Variants in YARS1 observed in about 807,000 individuals in gnomAD.
YARS1 encodes tyrosine--tRNA ligase, cytoplasmic.
YARS1 carries 36 observed loss-of-function variants against 62.2 expected under a neutral mutation model. The observed-to-expected ratio is 0.58, with a 90% CI of 0.44 to 0.76. The LOEUF (loss-of-function observed/expected upper bound fraction) is 0.76. YARS1 is among the 30% of genes least tolerant of loss of function. YARS1 has a pLI of 0.00. For synonymous variants in YARS1, 234 were observed against 244.9 expected (o/e 0.96, Z 0.42); for missense variants, 524 against 639.8 (o/e 0.82, Z 1.95).
At chr1:32,802,930 A>G (rs527818629) in intron 4 of YARS1, among the ~76,000 whole-genome samples, 1 of 150,914 alleles carries the variant, frequency 6.6e-6, no homozygotes, top group African/African-American at 2.4e-5. Context: ...CTCCTGCCTC[A>G]GCCTTCCGAG....
In YARS1 at chr1:32,817,315, C is replaced by G; in HGVS notation, c.-71G>C. ...CCTTCCTGGGTCACCGTCGCCGCCG[C>G]GTGCCGGGAACTGTCACGCGAGTCC... On this transcript the variant is annotated 5_prime_UTR_variant, in exon 1 of 13. Transcript: ENST00000373477. 1.3e-6 allele frequency: 2 copies of G among 1,593,200 alleles called. No individual in the cohort carries two copies. The highest frequency in any genetic ancestry group is 1.7e-6 in the Non-Finnish European group (2 of 1,165,510).
intron 4 of YARS1, among the ~76,000 whole-genome samples, chr1:32,803,913 G>A (rs1282610781): frequency 6.6e-6 from 1 of 152,064 alleles, no homozygotes; most frequent in Non-Finnish European, 1.5e-5. Context: ...GTGTCCCTGG[G>A]TACTTGAGAT....
intron 4 of YARS1, among the ~76,000 whole-genome samples, chr1:32,802,752 T>C (rs58957786): frequency 0.043 from 6,548 of 152,202 alleles, 167 homozygotes; most frequent in Middle Eastern, 0.071. Context: ...ATCATACTGT[T>C]AACAGACGTG....
chr1:32,811,568 T>A (rs1638587130), intron 1 of YARS1: 1 of 178,888 alleles, frequency 5.6e-6, no homozygotes, highest in East Asian at 1.4e-4. Flanking sequence ...CTAACTTTTT[T>A]GCCTGTTTTA....
intron 11 of YARS1, 65 bp downstream of exon 11, chr1:32,780,020 T>A: frequency 6.3e-7 from 1 of 1,592,380 alleles, no homozygotes; most frequent in Non-Finnish European, 8.6e-7. Flanking sequence ...GGACATCATA[T>A]GGGCTGATTC....
chr1:32,778,259 G>C (rs1652933946), intron 12 of YARS1, among the ~76,000 whole-genome samples: 1 of 152,202 alleles, frequency 6.6e-6, no homozygotes, highest in Non-Finnish European at 1.5e-5. Flanking sequence ...ATCGGTATTT[G>C]TTAAATGAAT....
chr1:32,810,509 G>A, intron 3 of YARS1, 82 bp downstream of exon 3: 2 of 1,568,792 alleles, frequency 1.3e-6, no homozygotes. Context: ...TAATCTAAAT[G>A]TAAAGAATGC....
Position 32,779,418 on chromosome 1 carries a change from C to T in YARS1, c.1440G>A (p.Glu480=). The T allele has an allele frequency of 6.2e-7, 1 of 1,614,206 alleles. No homozygotes were observed. The highest frequency in any genetic ancestry group is 2.2e-5 in the East Asian group (1 of 44,890). The change falls in exon 12 of 13, where the codon GAG becomes GAA. Residue 480 remains glutamate (E), a synonymous_variant. Coordinates refer to ENST00000373477, the MANE Select transcript of YARS1 (RefSeq NM_003680.4). ...KGYEKGQPDE[E]LKPKKKVFEK... ...CGAAGACTTTCTTCTTGGGCTTGAG[C>T]TCCTCATCTGGTTGGCCCTTTTCAT...
At chr1:32,815,479 GC>G (rs1231481874) in intron 1 of YARS1, among the ~76,000 whole-genome samples, 1 of 152,110 alleles carries the variant, frequency 6.6e-6, no homozygotes, top group African/African-American at 2.4e-5. Flanking sequence ...GGGGAAGCGT[GC>G]AAAAACCTTT....
Position 32,817,193 on chromosome 1 carries a change from G to A in YARS1, c.52C>T (p.Leu18=), listed in dbSNP as rs147538442. The A allele has an allele frequency of 4.1e-4, 656 of 1,614,214 alleles. 5 individuals carry two copies. In the African/African-American group the frequency reaches 7.0e-3, roughly 17 times the overall value. The part of the protein sequence containing the change: ...EEKLHLITRN[L]QEVLGEEKLK... ...TTCCAACCCCCAGGCCTGACCTGCA[G>A]GTTCCGGGTGATAAGGTGCAGTTTC... The change falls in exon 1 of 13, where the codon CTG becomes TTG. Residue 18 remains leucine (L), a synonymous_variant. Coordinates refer to ENST00000373477, the MANE Select transcript of YARS1 (RefSeq NM_003680.4).
chr1:32,790,965 A>C, intron 6 of YARS1, 197 bp downstream of exon 6: 1 of 592,696 alleles, frequency 1.7e-6, no homozygotes, highest in Non-Finnish European at 3.0e-6. Flanking sequence ...AAAAACCATT[A>C]AGTTATGATT....
In YARS1 at chr1:32,817,221, T is replaced by C. The variant is rs1199506505; in HGVS notation, c.24A>G (p.Glu8=). The C allele has an allele frequency of 1.9e-6, 3 of 1,614,148 alleles. No homozygotes were observed. The South Asian group carries it at 3.3e-5, about 18-fold the overall frequency. ...TCCGGGTGATAAGGTGCAGTTTCTCTTCAGGGCTGGGAGCGTCCCCCATGG... is the reference window on the plus strand; with the variant it reads ...TCCGGGTGATAAGGTGCAGTTTCTCCTCAGGGCTGGGAGCGTCCCCCATGG... The part of the protein sequence containing the change: MGDAPSP[E]EKLHLITRNL... Residue 8 remains glutamate, a synonymous_variant, in exon 1 of 13, where the codon GAA becomes GAG. Transcript: ENST00000373477.
chr1:32,807,210 T>C (rs185626611), intron 3 of YARS1, among the ~76,000 whole-genome samples: 108 of 152,304 alleles, frequency 7.1e-4, no homozygotes, highest in African/African-American at 2.5e-3. Context: ...AACACTATGG[T>C]AACATTTAGA....
At chr1:32,796,364 C>G (rs1480815900) in intron 5 of YARS1, among the ~76,000 whole-genome samples, 1 of 145,892 alleles carries the variant, frequency 6.9e-6, no homozygotes, top group African/African-American at 2.6e-5. Flanking sequence ...TTATTTTTTT[C>G]TTTTTTGTTT....
At chr1:32,807,569 CACCTCA>C (rs1039605080) in intron 3 of YARS1, among the ~76,000 whole-genome samples, 9 of 151,980 alleles carry the variant, frequency 5.9e-5, no homozygotes, top group Non-Finnish European at 2.9e-5. Flanking sequence ...GTGATCCTCC[CACCTCA>C]ACCTCCAAAG....
At chr1:32,784,914 T>C (rs1387649180) in intron 8 of YARS1, among the ~76,000 whole-genome samples, 1 of 152,110 alleles carries the variant, frequency 6.6e-6, no homozygotes, top group African/African-American at 2.4e-5. Context: ...TTTGTTCAAG[T>C]GTCTGTTGAA....
At chr1:32,811,201 G>T in intron 1 of YARS1, 144 bp from the exon 2 acceptor site, 3 of 1,196,912 alleles carry the variant, frequency 2.5e-6, no homozygotes, top group East Asian at 2.3e-5. Context: ...TCTCAGTGCA[G>T]ATGTGATACC....
Position 32,806,543 on chromosome 1 carries a change from G to C in YARS1, c.449C>G (p.Ala150Gly). The C allele has an allele frequency of 6.2e-7, 1 of 1,614,146 alleles. No homozygotes were observed. Residue 150 changes from alanine (A) to glycine (G), a missense_variant, in exon 4 of 13, where the codon GCT (alanine) becomes GGT (glycine). Physicochemically the swap from Ala to Gly is moderately conservative, Grantham distance 60 (BLOSUM62 0). Transcript: ENST00000373477. Reference sequence around the variant, plus strand: ...GTGCTCCACCTGCTTTACCACCTCAGCTCCAGCCTTCTTGGAATCGTGCTG... The same window carrying C: ...GTGCTCCACCTGCTTTACCACCTCACCTCCAGCCTTCTTGGAATCGTGCTG... Reference protein sequence around the residue: ...VTQHDSKKAGAEVVKQVEHPL... With the variant: ...VTQHDSKKAGGEVVKQVEHPL...
chr1:32,802,132 A>G (rs1219399047), intron 4 of YARS1, among the ~76,000 whole-genome samples: 1 of 151,668 alleles, frequency 6.6e-6, no homozygotes, highest in Non-Finnish European at 1.5e-5. Context: ...TATTTTTAGT[A>G]GAGACGGGGT....
Sources: allele counts gnomAD v4.1 joint callset (sites outside exome capture counted in the v4.1 genomes callset), GRCh38; gene constraint gnomAD v4.1.1; transcripts MANE v1.5; gene names NCBI Gene and HGNC (gene_info 2026-07-23, HGNC 2026-07-21).